The following MECOM variants were observed in gnomAD, a reference collection of about 807,000 sequenced individuals.
The protein encoded by MECOM is MDS1 and EVI1 complex locus.
Under a neutral mutation model 116.3 loss-of-function variants are expected in MECOM, and 13 were observed. The observed-to-expected ratio is 0.11, with a 90% CI of 0.07 to 0.18. The LOEUF is 0.18. Among genes scored for constraint, MECOM ranks in the 10% least tolerant of loss-of-function variants. The pLI is 1.00. For synonymous variants in MECOM, 528 were observed against 535.2 expected (o/e 0.99, Z 0.19); for missense variants, 1,299 against 1,509.0 (o/e 0.86, Z 2.31).
chr3:169,235,219 G>GA (rs1438615450), intron 2 of MECOM, among the ~76,000 whole-genome samples: 6 of 151,884 alleles, frequency 4.0e-5, no homozygotes, highest in Non-Finnish European at 7.4e-5. Flanking sequence ...TGCTCTATGA[G>GA]AAAAAAAGCA....
chr3:169,484,563 A>G (rs1751864410), intron 1 of MECOM, among the ~76,000 whole-genome samples: 1 of 152,256 alleles, frequency 6.6e-6, no homozygotes, highest in African/African-American at 2.4e-5. Context: ...GCAATTAGCT[A>G]TTAACTTATA....
intron 1 of MECOM, among the ~76,000 whole-genome samples, chr3:169,481,752 A>G (rs1287147299): frequency 1.3e-5 from 2 of 152,078 alleles, no homozygotes; most frequent in Non-Finnish European, 2.9e-5. Context: ...GTTTCTGTTA[A>G]GTAAAAAGAG....
intron 2 of MECOM, among the ~76,000 whole-genome samples, chr3:169,252,696 C>T (rs866590003): frequency 2.4e-4 from 37 of 152,040 alleles, no homozygotes; most frequent in African/African-American, 8.2e-4. Flanking sequence ...CAAGTTTATG[C>T]GGTCAGGCTA....
chr3:169,323,669 C>T (rs1196034924), intron 2 of MECOM, among the ~76,000 whole-genome samples: 2 of 152,190 alleles, frequency 1.3e-5, no homozygotes, highest in Admixed American at 6.5e-5. Flanking sequence ...CTGAATGTTG[C>T]CTCTACAGCC....
At chr3:169,202,243 T>A (rs1273724403) in intron 2 of MECOM, among the ~76,000 whole-genome samples, 2 of 152,180 alleles carry the variant, frequency 1.3e-5, no homozygotes, top group African/African-American at 4.8e-5. Context: ...GTTGGTTTTT[T>A]AATTAAAACC....
At chr3:169,586,268 A>T (rs1765764281) in intron 1 of MECOM, among the ~76,000 whole-genome samples, 1 of 152,252 alleles carries the variant, frequency 6.6e-6, no homozygotes, top group Non-Finnish European at 1.5e-5. Flanking sequence ...AAATTTTTTT[A>T]CATTATAAAC....
intron 2 of MECOM, among the ~76,000 whole-genome samples, chr3:169,172,407 ATGTGTGTGTG>A (rs5854312): frequency 4.8e-5 from 7 of 144,468 alleles, no homozygotes; most frequent in African/African-American, 1.3e-4. Flanking sequence ...GTACCCTTGT[ATGTGTGTGTG>A]TGTGTGTGTG....
At chr3:169,159,305 A>T (rs1742474652) in intron 2 of MECOM, among the ~76,000 whole-genome samples, 3 of 152,142 alleles carry the variant, frequency 2.0e-5, no homozygotes, top group Admixed American at 6.5e-5. Flanking sequence ...GCCTGTAATC[A>T]TTCCAGGACT....
chr3:169,483,912 A>G (rs1751759868), intron 1 of MECOM: 4 of 1,609,164 alleles, frequency 2.5e-6, no homozygotes, highest in Non-Finnish European at 3.4e-6. Context: ...TTTTCCGTTC[A>G]CTTTGATCCT....
chr3:169,290,897 G>GA (rs891499790), intron 2 of MECOM, among the ~76,000 whole-genome samples: 3 of 151,966 alleles, frequency 2.0e-5, no homozygotes, highest in African/African-American at 7.2e-5. Flanking sequence ...TCATTCTCAT[G>GA]AAAAAAATTG....
intron 1 of MECOM, among the ~76,000 whole-genome samples, chr3:169,560,557 T>G (rs764036908): frequency 1.6e-4 from 25 of 152,088 alleles, no homozygotes; most frequent in Non-Finnish European, 3.4e-4. Flanking sequence ...TCAAAACATT[T>G]TAGACAGAAA....
intron 1 of MECOM, among the ~76,000 whole-genome samples, chr3:169,490,013 T>C (rs1304211433): frequency 6.6e-6 from 1 of 152,064 alleles, no homozygotes; most frequent in East Asian, 1.9e-4. Flanking sequence ...ATTAGTGTCA[T>C]GTAAAACTGA....
At chr3:169,178,913 A>G (rs1405940491) in intron 2 of MECOM, among the ~76,000 whole-genome samples, 1 of 152,190 alleles carries the variant, frequency 6.6e-6, no homozygotes, top group Non-Finnish European at 1.5e-5. Flanking sequence ...TTCACAGAAC[A>G]TTCAGATTAA....
At chr3:169,504,763 T>G (rs939121602) in intron 1 of MECOM, among the ~76,000 whole-genome samples, 3 of 152,184 alleles carry the variant, frequency 2.0e-5, no homozygotes, top group African/African-American at 7.2e-5. Context: ...GATTTTTGCC[T>G]ATCCAGAAAC....
chr3:169,651,358 A>G (rs1429899397), intron 1 of MECOM, among the ~76,000 whole-genome samples: 1 of 152,206 alleles, frequency 6.6e-6, no homozygotes, highest in Non-Finnish European at 1.5e-5. Context: ...AGTGATATGA[A>G]ACCCACTTGA....
At chr3:169,255,321 C>T (rs559802374) in intron 2 of MECOM, among the ~76,000 whole-genome samples, 60 of 152,156 alleles carry the variant, frequency 3.9e-4, no homozygotes, top group African/African-American at 1.4e-3. Flanking sequence ...TAGTCATATG[C>T]CATCTCTAAA....
At chr3:169,161,333 T>C (rs1039271067) in intron 2 of MECOM, among the ~76,000 whole-genome samples, 3 of 152,162 alleles carry the variant, frequency 2.0e-5, no homozygotes, top group Admixed American at 6.5e-5. Flanking sequence ...CATCCTTATA[T>C]ACAGCAAGAG....
At position 169,143,709 on chromosome 3, in the gene MECOM, T is replaced by C. The variant is rs1738834418; in HGVS notation, c.499A>G (p.Ile167Val). 1 of 1,599,176 alleles carries C rather than the reference T, an allele frequency of 6.3e-7. No homozygotes were observed. The highest frequency in any genetic ancestry group is 8.5e-7 in the Non-Finnish European group (1 of 1,173,136). Reference protein sequence around the residue: ...YDQHNLVACQINDQIFYRVVA... With the variant: ...YDQHNLVACQVNDQIFYRVVA... Reference sequence around the variant, plus strand: ...TCTTTACAACATACCTGATCATTTATCTGGCATGCAACAAGGTTGTGCTGA... The same window carrying C: ...TCTTTACAACATACCTGATCATTTACCTGGCATGCAACAAGGTTGTGCTGA... Residue 167 changes from isoleucine to valine, a missense_variant, in exon 3 of 17, where the codon ATA (isoleucine) becomes GTA (valine). By Grantham distance (29) the Ile-to-Val change is conservative (BLOSUM62 3). Around this residue, in one of 6 missense-constraint regions of MECOM, gnomAD observed 374 missense variants for 433.4 expected, o/e 0.86. Coordinates refer to ENST00000651503, the MANE Select transcript of MECOM (RefSeq NM_004991.4).
chr3:169,262,891 A>C (rs2149618430), intron 2 of MECOM, among the ~76,000 whole-genome samples: 1 of 151,692 alleles, frequency 6.6e-6, no homozygotes, highest in African/African-American at 2.4e-5. Context: ...AAGATGCCCC[A>C]GGCTGCTTGC....
Sources: gnomAD v4.1 joint callset for allele counts (sites outside exome capture counted in the v4.1 genomes callset) on GRCh38, gnomAD v4.1.1 for gene constraint, gnomAD v4.1.1 regional missense constraint, MANE v1.5 for transcripts, NCBI Gene and HGNC (gene_info 2026-07-23, HGNC 2026-07-21) for gene names.